The following DISC1 variants were observed in gnomAD, a reference collection of about 807,000 sequenced individuals.
The protein encoded by DISC1 is DISC1 scaffold protein.
A neutral mutation model predicts 84.5 loss-of-function variants in DISC1; 57 were observed. That is an observed-to-expected ratio of 0.67 (90% CI 0.55 to 0.84). The LOEUF (loss-of-function observed/expected upper bound fraction) is 0.84. Among genes scored for constraint, DISC1 ranks in the 40% least tolerant of loss-of-function variants. The pLI is 0.00. For synonymous variants in DISC1, 411 were observed against 415.2 expected, an observed-to-expected ratio of 0.99 and a Z score of 0.12; for missense variants, 1,000 against 1,057.8, an observed-to-expected ratio of 0.95 and a Z score of 0.76.
intron 9 of DISC1, among the ~76,000 whole-genome samples, chr1:231,832,639 C>T (rs1417314919): frequency 6.7e-6 from 1 of 149,724 alleles, no homozygotes; most frequent in Admixed American, 6.7e-5. Flanking sequence ...TAAGTGAAAG[C>T]GAAGAGAGGC....
At chr1:231,939,787 G>A (rs2772125) in intron 9 of DISC1, among the ~76,000 whole-genome samples, 25,276 of 151,494 alleles carry the variant, frequency 0.17, 2,308 homozygotes, top group Non-Finnish European at 0.21. Flanking sequence ...CTGTCACCTA[G>A]GCTGGAGTGC....
intron 9 of DISC1, among the ~76,000 whole-genome samples, chr1:231,831,150 A>G (rs2082193077): frequency 6.6e-6 from 1 of 152,188 alleles, no homozygotes; most frequent in Non-Finnish European, 1.5e-5. Context: ...GCATGTGAGT[A>G]AAGTCAATTT....
At chr1:231,949,678 C>T (rs542531323) in intron 9 of DISC1, among the ~76,000 whole-genome samples, 7 of 152,280 alleles carry the variant, frequency 4.6e-5, no homozygotes, top group South Asian at 4.1e-4. Flanking sequence ...GCACAAACTA[C>T]GTCTTCCTGC....
intron 2 of DISC1, among the ~76,000 whole-genome samples, chr1:231,701,602 T>C (rs559066308): frequency 6.6e-6 from 1 of 152,358 alleles, no homozygotes; most frequent in African/African-American, 2.4e-5. Flanking sequence ...ACCTTCATAA[T>C]TTAAATGTGA....
At chr1:231,920,738 G>C (rs910094571) in intron 9 of DISC1, among the ~76,000 whole-genome samples, 4 of 152,038 alleles carry the variant, frequency 2.6e-5, no homozygotes, top group African/African-American at 9.7e-5. Flanking sequence ...CTGGTGCATA[G>C]GAATAATTTT....
intron 9 of DISC1, among the ~76,000 whole-genome samples, chr1:231,873,263 G>T (rs199564547): frequency 1.3e-5 from 2 of 152,196 alleles, no homozygotes; most frequent in Non-Finnish European, 2.9e-5. Context: ...TAGTGCCCCG[G>T]TAAGAGAGGC....
At chr1:231,862,152 C>T (rs971282262) in intron 9 of DISC1, among the ~76,000 whole-genome samples, 24 of 152,162 alleles carry the variant, frequency 1.6e-4, no homozygotes, top group African/African-American at 4.3e-4. Flanking sequence ...GCTTTATCAT[C>T]GTTTTATTTC....
At chr1:231,775,231 C>A (rs2076872580) in intron 6 of DISC1, among the ~76,000 whole-genome samples, 1 of 152,212 alleles carries the variant, frequency 6.6e-6, no homozygotes, top group Admixed American at 6.5e-5. Context: ...CATGCAATTG[C>A]AATATGCTTT....
chr1:231,799,707 C>A (rs1328390428), intron 7 of DISC1, among the ~76,000 whole-genome samples: 1 of 151,460 alleles, frequency 6.6e-6, no homozygotes, highest in Non-Finnish European at 1.5e-5. Context: ...AATTATGTTA[C>A]CTTGTGGTTG....
In DISC1 at chr1:231,626,906, C is replaced by A; in HGVS notation, c.39C>A (p.Ala13=). 2 of 1,496,930 alleles carry A rather than the reference C, an allele frequency of 1.3e-6. No individual in the cohort carries two copies. The highest frequency in any genetic ancestry group is 1.8e-6 in the Non-Finnish European group (2 of 1,130,780). 92.7% of individuals were successfully genotyped at this position (1,496,930 alleles called of 1,614,324 possible). The part of the protein sequence containing the change: ...GGGPQGAPAA[A]GGGGVSHRAG... ...GTCCTCAGGGCGCCCCAGCCGCCGCCGGCGGCGGCGGCGTGAGCCACCGCG... is the reference window on the plus strand; with the variant it reads ...GTCCTCAGGGCGCCCCAGCCGCCGCAGGCGGCGGCGGCGTGAGCCACCGCG... The change falls in exon 1 of 13, where the codon GCC becomes GCA. Residue 13 remains alanine (A), a synonymous_variant. Coordinates refer to ENST00000439617, the MANE Select transcript of DISC1 (RefSeq NM_018662.3).
At chr1:231,766,421 A>G (rs566137274) in intron 4 of DISC1, among the ~76,000 whole-genome samples, 1 of 111,670 alleles carries the variant, frequency 9.0e-6, no homozygotes, top group Non-Finnish European at 2.0e-5. Flanking sequence ...TGCTGGGAAT[A>G]AAAAAAAATG....
chr1:231,833,763 G>T (rs942451144), intron 9 of DISC1, among the ~76,000 whole-genome samples: 1 of 152,152 alleles, frequency 6.6e-6, no homozygotes, highest in African/African-American at 2.4e-5. Context: ...TGTGGCTGGG[G>T]TTTGTCTCAC....
intron 9 of DISC1, among the ~76,000 whole-genome samples, chr1:231,921,277 C>G (rs1434804437): frequency 6.6e-6 from 1 of 152,102 alleles, no homozygotes. Flanking sequence ...TCATACCTTC[C>G]CATGCAACTT....
intron 1 of DISC1, among the ~76,000 whole-genome samples, chr1:231,690,054 C>T (rs201863803): frequency 1.3e-5 from 2 of 152,118 alleles, no homozygotes; most frequent in Admixed American, 6.5e-5. Flanking sequence ...ATTGGCTTGC[C>T]GCAATTTTCC....
intron 9 of DISC1, among the ~76,000 whole-genome samples, chr1:231,883,537 G>A (rs566093488): frequency 2.6e-5 from 4 of 152,142 alleles, no homozygotes; most frequent in Non-Finnish European, 5.9e-5. Context: ...GAGTCTGTGT[G>A]CCAAGCCAAA....
intron 9 of DISC1, among the ~76,000 whole-genome samples, chr1:231,851,377 C>G (rs2083885940): frequency 6.6e-6 from 1 of 152,192 alleles, no homozygotes; most frequent in Non-Finnish European, 1.5e-5. Flanking sequence ...CCTGTACCTA[C>G]TGAGCATCCT....
chr1:231,772,550 A>G (rs1469095972), intron 6 of DISC1, among the ~76,000 whole-genome samples: 1 of 152,162 alleles, frequency 6.6e-6, no homozygotes, highest in Non-Finnish European at 1.5e-5. Context: ...ATTTGAGGAA[A>G]GGGGTGTTGA....
At chr1:231,881,834 A>G (rs541668915) in intron 9 of DISC1, among the ~76,000 whole-genome samples, 1 of 152,342 alleles carries the variant, frequency 6.6e-6, no homozygotes, top group South Asian at 2.1e-4. Context: ...AGAACATGAC[A>G]ATAATCATCA....
intron 9 of DISC1, among the ~76,000 whole-genome samples, chr1:231,933,429 G>T (rs922036306): frequency 1.3e-5 from 2 of 152,138 alleles, no homozygotes; most frequent in Non-Finnish European, 2.9e-5. Context: ...AAATAATCCA[G>T]CCACTTATCA....
Sources: allele counts gnomAD v4.1 joint callset (sites outside exome capture counted in the v4.1 genomes callset), GRCh38; gene constraint gnomAD v4.1.1; transcripts MANE v1.5; gene names NCBI Gene and HGNC (gene_info 2026-07-23, HGNC 2026-07-21).